Variants in PELI2 observed in about 807,000 individuals in gnomAD.
PELI2 encodes the protein pellino E3 ubiquitin protein ligase family member 2, also known as E3 ubiquitin-protein ligase pellino homolog 2.
PELI2 carries 23 observed loss-of-function variants against 42.3 expected under a neutral mutation model. The ratio of observed to expected loss-of-function variants is 0.54; its 90% confidence interval spans 0.39 to 0.77. The LOEUF is 0.77. Ranked by LOEUF, PELI2 falls within the 30% of genes least tolerant of loss-of-function variation. The probability of loss-of-function intolerance (pLI) is 0.00; values close to 1 mark genes in which losing one functional copy is unlikely to be tolerated. For synonymous variants in PELI2, 245 were observed against 212.2 expected (o/e 1.15, Z -1.34); for missense variants, 463 against 553.2 (o/e 0.84, Z 1.64).
chr14:56,264,834 C>T (rs1374060189), intron 2 of PELI2, among the ~76,000 whole-genome samples: 1 of 152,116 alleles, frequency 6.6e-6, no homozygotes, highest in African/African-American at 2.4e-5. Flanking sequence ...CCTGTATTTT[C>T]CTTAGGAGCA....
intron 1 of PELI2, among the ~76,000 whole-genome samples, chr14:56,156,901 T>G (rs1595563618): frequency 6.6e-6 from 1 of 152,216 alleles, no homozygotes; most frequent in Non-Finnish European, 1.5e-5. Context: ...CTTCTTACAT[T>G]TCACGAATTT....
chr14:56,269,313 T>C (rs1404509576), intron 2 of PELI2, among the ~76,000 whole-genome samples: 1 of 151,850 alleles, frequency 6.6e-6, no homozygotes, highest in Non-Finnish European at 1.5e-5. Context: ...TGTGGTGGTG[T>C]GCGCCTGTGG....
At position 56,288,612 on chromosome 14, in the gene PELI2, CT is replaced by C. The variant is rs1889720881; in HGVS notation, c.487del (p.Ser163ProfsTer30). The C allele has an allele frequency of 6.2e-7, 1 of 1,612,894 alleles. No homozygotes were observed. Among genetic ancestry groups the C allele is most frequent in the African/African-American group, 1.3e-5 (1 of 74,882 alleles). On this transcript the variant is annotated frameshift_variant, in exon 4 of 6. Transcript: ENST00000267460. LOFTEE classifies it high-confidence loss of function. The surrounding 1 kb of genome is among the most constrained non-coding windows in gnomAD (Gnocchi z 4.6). The stretch of plus-strand genomic sequence containing the variant: ...CGGATATTCGCCGCCGGATTTGACT[CT>C]TCCAAAAACATATTTCTTGGAGTAA... ...TARIFAAGFD[S>X]SKNIFLGEKA...
chr14:56,134,909 A>G (rs1266199677), intron 1 of PELI2, among the ~76,000 whole-genome samples: 1 of 152,150 alleles, frequency 6.6e-6, no homozygotes, highest in Non-Finnish European at 1.5e-5. Flanking sequence ...GAATTCTCAA[A>G]TGAATATTCA....
chr14:56,148,790 C>T (rs566033043), intron 1 of PELI2, among the ~76,000 whole-genome samples: 1 of 152,270 alleles, frequency 6.6e-6, no homozygotes, highest in African/African-American at 2.4e-5. Flanking sequence ...GTAGCAGGGA[C>T]TTTTCTTACA....
intron 2 of PELI2, among the ~76,000 whole-genome samples, chr14:56,224,568 T>G (rs948179797): frequency 2.0e-5 from 3 of 152,246 alleles, no homozygotes; most frequent in Admixed American, 1.3e-4. Context: ...TAAAGTGTTA[T>G]GTATCTTTCT....
Position 56,288,640 on chromosome 14 carries a change from T to G in PELI2, c.507+6T>G. On this transcript the variant is annotated splice_donor_region_variant and intron_variant, in intron 4 of 5. Coordinates refer to ENST00000267460, the MANE Select transcript of PELI2 (RefSeq NM_021255.3). The surrounding 1 kb of genome is among the most constrained non-coding windows in gnomAD (Gnocchi z 4.6). The stretch of plus-strand genomic sequence containing the variant: ...CCAAAAACATATTTCTTGGAGTAAG[T>G]ACTGTCAAGAAGTACACGATTTCTA... The G allele has an allele frequency of 6.3e-7, 1 of 1,598,734 alleles. No individual in the cohort carries two copies. The highest frequency in any genetic ancestry group is 8.6e-7 in the Non-Finnish European group (1 of 1,167,900).
At chr14:56,212,134 A>T (rs1350144676) in intron 2 of PELI2, among the ~76,000 whole-genome samples, 2 of 152,184 alleles carry the variant, frequency 1.3e-5, no homozygotes, top group Non-Finnish European at 1.5e-5. Context: ...TGGGGGAAAA[A>T]TAGGACAGAG....
chr14:56,221,764 TTCAGA>T (rs1265104358), intron 2 of PELI2, among the ~76,000 whole-genome samples: 2 of 152,240 alleles, frequency 1.3e-5, no homozygotes, highest in Non-Finnish European at 2.9e-5. Flanking sequence ...AATTTAAATG[TTCAGA>T]TTTTATTTTA....
chr14:56,127,449 C>T (rs1174962991), intron 1 of PELI2, among the ~76,000 whole-genome samples: 1 of 152,158 alleles, frequency 6.6e-6, no homozygotes, highest in Non-Finnish European at 1.5e-5. Flanking sequence ...ATTGGTTGTA[C>T]CTGTCTGTGA....
At chr14:56,183,061 C>A (rs1885643539) in intron 2 of PELI2, among the ~76,000 whole-genome samples, 1 of 152,054 alleles carries the variant, frequency 6.6e-6, no homozygotes. Flanking sequence ...TCTTTGGTTT[C>A]TTTCATTGTT....
At chr14:56,169,498 C>T (rs1484268303) in intron 1 of PELI2, among the ~76,000 whole-genome samples, 1 of 152,210 alleles carries the variant, frequency 6.6e-6, no homozygotes, top group Non-Finnish European at 1.5e-5. Context: ...CTCACCATTA[C>T]TGTGCTCTCC....
intron 2 of PELI2, among the ~76,000 whole-genome samples, chr14:56,262,285 A>G (rs1888739594): frequency 6.6e-6 from 1 of 152,242 alleles, no homozygotes; most frequent in Non-Finnish European, 1.5e-5. Context: ...CACCCAAGAA[A>G]TAAACATTTT....
At position 56,118,579 on chromosome 14, in the gene PELI2, T is replaced by G; in HGVS notation, c.-82T>G. 8.9e-6 allele frequency: 8 copies of G among 900,868 alleles called. No homozygotes were observed. The highest frequency in any genetic ancestry group is 1.1e-5 in the Non-Finnish European group (7 of 663,088). The allele number at this position is 900,868 out of a possible 1,614,324, so 55.8% of individuals were successfully genotyped here. A position where few individuals can be genotyped will look rare whatever the true frequency, so the allele number is the denominator to read the frequency against. On this transcript the variant is annotated 5_prime_UTR_variant, in exon 1 of 6. Coordinates refer to ENST00000267460, the MANE Select transcript of PELI2 (RefSeq NM_021255.3). The stretch of plus-strand genomic sequence containing the variant: ...CGCTCACCCCGTTCTCGGGATGGGA[T>G]TGTAGCGGCGGCGCGGACTCGGCGG...
At chr14:56,145,496 C>T (rs1196756259) in intron 1 of PELI2, among the ~76,000 whole-genome samples, 1 of 152,164 alleles carries the variant, frequency 6.6e-6, no homozygotes, top group Non-Finnish European at 1.5e-5. Context: ...TCACAGAATG[C>T]CTGCTTTCCC....
intron 1 of PELI2, among the ~76,000 whole-genome samples, chr14:56,158,753 T>C (rs1884656182): frequency 6.6e-6 from 1 of 152,220 alleles, no homozygotes; most frequent in African/African-American, 2.4e-5. Flanking sequence ...ATTTTCCTAA[T>C]TATTTTGTAT....
At chr14:56,226,535 G>T (rs1010452821) in intron 2 of PELI2, among the ~76,000 whole-genome samples, 2 of 152,138 alleles carry the variant, frequency 1.3e-5, no homozygotes, top group Non-Finnish European at 2.9e-5. Context: ...TTAAATAAAT[G>T]TACAGGTAAT....
intron 2 of PELI2, among the ~76,000 whole-genome samples, chr14:56,210,668 A>G (rs2139727092): frequency 6.6e-6 from 1 of 152,302 alleles, no homozygotes; most frequent in East Asian, 1.9e-4. Flanking sequence ...AAGTCTCTGC[A>G]ATTAAGGAGG....
intron 2 of PELI2, among the ~76,000 whole-genome samples, chr14:56,233,719 C>A (rs532153713): frequency 6.6e-6 from 1 of 152,098 alleles, no homozygotes; most frequent in Non-Finnish European, 1.5e-5. Context: ...ACTGTAATAC[C>A]GAAAGCAATG....
Sources: gnomAD v4.1 joint callset for allele counts (sites outside exome capture counted in the v4.1 genomes callset) on GRCh38, gnomAD v4.1.1 for gene constraint, Gnocchi (gnomAD v3.1) non-coding constraint, MANE v1.5 for transcripts, NCBI Gene and HGNC (gene_info 2026-07-23, HGNC 2026-07-21) for gene names.